The following EXOC6B variants were observed in gnomAD, a reference collection of about 807,000 sequenced individuals.
EXOC6B encodes the protein exocyst complex component 6B.
Under a neutral mutation model 113.5 loss-of-function variants are expected in EXOC6B, and 54 were observed. The ratio of observed to expected loss-of-function variants is 0.48; its 90% CI spans 0.38 to 0.60. The LOEUF is 0.60. EXOC6B is among the 20% of genes least tolerant of loss of function. The pLI is 0.00. For missense variants in EXOC6B, 797 were observed against 977.5 expected (o/e 0.82, Z 2.46); for synonymous variants, 357 against 339.0 (o/e 1.05, Z -0.58).
chr2:72,436,197 C>A (rs188146865), intron 18 of EXOC6B, among the ~76,000 whole-genome samples: 2 of 152,258 alleles, frequency 1.3e-5, no homozygotes, highest in East Asian at 3.9e-4. Flanking sequence ...ATTGAAAATT[C>A]TTTTCTTTAA....
intron 20 of EXOC6B, among the ~76,000 whole-genome samples, chr2:72,254,961 C>A (rs891594207): frequency 9.2e-5 from 14 of 152,192 alleles, no homozygotes; most frequent in Non-Finnish European, 2.1e-4. Flanking sequence ...AAGAAACCAA[C>A]ACTTAATGAT....
chr2:72,241,446 A>T (rs1682307060), intron 20 of EXOC6B, among the ~76,000 whole-genome samples: 1 of 152,236 alleles, frequency 6.6e-6, no homozygotes, highest in African/African-American at 2.4e-5. Flanking sequence ...GGAACAGAAG[A>T]AGTACTTGAA....
At chr2:72,340,906 C>A (rs992746395) in intron 19 of EXOC6B, among the ~76,000 whole-genome samples, 2 of 152,056 alleles carry the variant, frequency 1.3e-5, no homozygotes, top group Admixed American at 6.6e-5. Context: ...AGTTGATGTA[C>A]TCCACAGGGA....
intron 19 of EXOC6B, among the ~76,000 whole-genome samples, chr2:72,338,079 C>G (rs1688795585): frequency 6.6e-6 from 1 of 152,146 alleles, no homozygotes; most frequent in African/African-American, 2.4e-5. Flanking sequence ...AGGGGATGGA[C>G]TTTGGAGCAA....
At chr2:72,267,315 G>C (rs942832073) in intron 20 of EXOC6B, among the ~76,000 whole-genome samples, 6 of 152,166 alleles carry the variant, frequency 3.9e-5, no homozygotes, top group African/African-American at 1.4e-4. Context: ...TGGTGAGAGA[G>C]GGCGTCTCTG....
Position 72,460,877 on chromosome 2 carries a change from T to G in EXOC6B, c.1980+4283A>C, listed in dbSNP as rs1226269879. Among the ~76,000 whole-genome samples, 5 of 151,598 alleles carry G rather than the reference T, an allele frequency of 3.3e-5. No individual in the cohort carries two copies. The East Asian group carries it at 7.8e-4, about 24-fold the overall frequency. On this transcript the variant is annotated intron_variant, in intron 18 of 21. Coordinates refer to ENST00000272427, the MANE Select transcript of EXOC6B (RefSeq NM_015189.3). ...TACTGGGTATATACCCAAAGGACTA[T>G]AAATCATGCTGCTATAAAGACACAT... is the stretch of plus-strand genomic sequence containing the variant.
intron 19 of EXOC6B, 68 bp downstream of exon 19, chr2:72,379,660 CT>C (rs1691564005): frequency 7.3e-6 from 11 of 1,514,528 alleles, no homozygotes; most frequent in South Asian, 2.7e-5. Context: ...ACACCTAAAA[CT>C]TTTTTTCCCC....
intron 18 of EXOC6B, among the ~76,000 whole-genome samples, chr2:72,433,300 G>C (rs1265868930): frequency 6.6e-6 from 1 of 152,128 alleles, no homozygotes; most frequent in Non-Finnish European, 1.5e-5. Context: ...ATGCTATTTT[G>C]GTTACTGTAG....
intron 6 of EXOC6B, among the ~76,000 whole-genome samples, chr2:72,631,459 TATAGAGAGAG>T (rs1558862535): frequency 1.2e-3 from 8 of 6,934 alleles, no homozygotes; most frequent in African/African-American, 1.5e-3. Flanking sequence ...TATATATATA[TATAGAGAGAG>T]AGAGAGAGAG....
chr2:72,265,771 T>C (rs1219720361), intron 20 of EXOC6B, among the ~76,000 whole-genome samples: 1 of 152,160 alleles, frequency 6.6e-6, no homozygotes, highest in African/African-American at 2.4e-5. Context: ...ATATACCCAG[T>C]AATGGGATGG....
chr2:72,764,759 T>C (rs767249355), intron 1 of EXOC6B, among the ~76,000 whole-genome samples: 27 of 152,232 alleles, frequency 1.8e-4, no homozygotes, highest in Non-Finnish European at 3.1e-4. Context: ...TATTTTGTTC[T>C]ATAATCATAA....
intron 1 of EXOC6B, among the ~76,000 whole-genome samples, chr2:72,823,669 C>G (rs570149802): frequency 2.0e-5 from 3 of 151,632 alleles, no homozygotes; most frequent in Admixed American, 6.6e-5. Context: ...CCTGTAGTCC[C>G]AACTACTCAG....
At chr2:72,279,763 A>G (rs1558516407) in intron 20 of EXOC6B, among the ~76,000 whole-genome samples, 1 of 151,850 alleles carries the variant, frequency 6.6e-6, no homozygotes, top group Non-Finnish European at 1.5e-5. Flanking sequence ...ACAGACATGC[A>G]CAACCATACC....
At chr2:72,689,307 T>G (rs1316090860) in intron 6 of EXOC6B, among the ~76,000 whole-genome samples, 1 of 152,166 alleles carries the variant, frequency 6.6e-6, no homozygotes, top group Non-Finnish European at 1.5e-5. Context: ...ATTATATCTC[T>G]AAACCCATTG....
At chr2:72,209,235 A>AG in intron 20 of EXOC6B, among the ~76,000 whole-genome samples, 7 of 142,542 alleles carry the variant, frequency 4.9e-5, no homozygotes, top group African/African-American at 1.5e-4. Context: ...AAAAAAAAAA[A>AG]AAAAAAAAAA....
chr2:72,737,629 G>A (rs944073362), intron 2 of EXOC6B, among the ~76,000 whole-genome samples: 10 of 152,022 alleles, frequency 6.6e-5, no homozygotes, highest in Admixed American at 1.3e-4. Context: ...TGAGGTGGGC[G>A]GAACTCCCAG....
At chr2:72,184,033 T>C in intron 21 of EXOC6B, 42 bp downstream of exon 21, 1 of 1,136,108 alleles carries the variant, frequency 8.8e-7, no homozygotes, top group African/African-American at 1.5e-5. Flanking sequence ...CCAATCCCTG[T>C]CTCCCCACCT....
intron 20 of EXOC6B, among the ~76,000 whole-genome samples, chr2:72,311,159 C>T (rs1417576727): frequency 1.3e-5 from 2 of 152,134 alleles, no homozygotes; most frequent in African/African-American, 4.8e-5. Flanking sequence ...AAGTTAGTGG[C>T]TTAAGCAAGA....
chr2:72,643,485 T>C (rs1218411058), intron 6 of EXOC6B, among the ~76,000 whole-genome samples: 1 of 148,596 alleles, frequency 6.7e-6, no homozygotes, highest in Non-Finnish European at 1.5e-5. Flanking sequence ...AAATTGGAAA[T>C]CATCATTCTC....
Sources: allele counts gnomAD v4.1 joint callset (sites outside exome capture counted in the v4.1 genomes callset), GRCh38; gene constraint gnomAD v4.1.1; transcripts MANE v1.5; gene names NCBI Gene and HGNC (gene_info 2026-07-23, HGNC 2026-07-21).